ARHGAP42: variants seen among roughly 807,000 people sequenced by gnomAD.
The protein encoded by ARHGAP42 is rho GTPase-activating protein 42.
Under a neutral mutation model 125.0 loss-of-function variants are expected in ARHGAP42, and 63 were observed. That is an observed-to-expected ratio of 0.50 (90% CI 0.41 to 0.62). The LOEUF (loss-of-function observed/expected upper bound fraction) is 0.62, where lower values mean the gene tolerates loss of function less well. Among genes scored for constraint, ARHGAP42 ranks in the 20% least tolerant of loss-of-function variants. ARHGAP42 has a pLI of 0.00. For missense variants in ARHGAP42, 766 were observed against 1,024.2 expected (o/e 0.75, Z 3.44); for synonymous variants, 339 against 351.0 (o/e 0.97, Z 0.38).
At chr11:100,799,278 T>TA (rs761477959) in intron 3 of ARHGAP42, among the ~76,000 whole-genome samples, 7 of 152,214 alleles carry the variant, frequency 4.6e-5, no homozygotes, top group Admixed American at 1.3e-4. Context: ...AACATTAGCC[T>TA]ACATGGGTCT....
At chr11:100,983,195 A>G (rs2135331223) in intron 22 of ARHGAP42, among the ~76,000 whole-genome samples, 1 of 152,284 alleles carries the variant, frequency 6.6e-6, no homozygotes, top group African/African-American at 2.4e-5. Context: ...ATATTTATTG[A>G]TATTTACTGT....
At position 100,698,132 on chromosome 11, in the gene ARHGAP42, C is replaced by T. The variant is rs140620143; in HGVS notation, c.154+10300C>T. 7.4e-3 allele frequency among the ~76,000 whole-genome samples: 1,122 copies of T among 152,258 alleles called. 11 individuals are homozygous for T. Among genetic ancestry groups the T allele is most frequent in the African/African-American group, 0.025 (1,051 of 41,538 alleles). ...TCTCCAACTTCTAGCCTCAAGCCAT[C>T]CTCCCACCTCAGCCTCCCAAAGTGT... On this transcript the variant is annotated intron_variant, in intron 1 of 23. Transcript: ENST00000298815.
At chr11:100,838,746 T>C (rs1000246452) in intron 3 of ARHGAP42, among the ~76,000 whole-genome samples, 5 of 152,028 alleles carry the variant, frequency 3.3e-5, no homozygotes, top group African/African-American at 1.2e-4. Flanking sequence ...TCATAGTGTT[T>C]AAAAAAATCT....
intron 23 of ARHGAP42, among the ~76,000 whole-genome samples, chr11:100,987,806 A>AGAAT (rs1555038428): frequency 7.0e-6 from 1 of 142,472 alleles, no homozygotes; most frequent in Non-Finnish European, 1.5e-5. Flanking sequence ...CCCAACCCAC[A>AGAAT]AAATAAATAA....
intron 4 of ARHGAP42, among the ~76,000 whole-genome samples, chr11:100,868,569 A>C (rs550085866): frequency 1.1e-4 from 16 of 152,330 alleles, no homozygotes; most frequent in African/African-American, 3.8e-4. Flanking sequence ...GATTTTAAAC[A>C]GAAATGAGAT....
At chr11:100,786,142 A>C (rs1863426928) in intron 2 of ARHGAP42, among the ~76,000 whole-genome samples, 1 of 152,232 alleles carries the variant, frequency 6.6e-6, no homozygotes, top group Non-Finnish European at 1.5e-5. Context: ...AAATTTGGGA[A>C]AATGGTTTCT....
intron 4 of ARHGAP42, among the ~76,000 whole-genome samples, chr11:100,912,550 A>C (rs1174500799): frequency 1.3e-5 from 2 of 152,140 alleles, no homozygotes; most frequent in Non-Finnish European, 2.9e-5. Flanking sequence ...TGGCCAATGA[A>C]ATTTATGATT....
intron 5 of ARHGAP42, among the ~76,000 whole-genome samples, chr11:100,919,754 A>G (rs931331293): frequency 6.6e-6 from 1 of 152,142 alleles, no homozygotes; most frequent in African/African-American, 2.4e-5. Flanking sequence ...GTGGAATAGA[A>G]TAGTGTCCCT....
At chr11:100,828,786 C>T (rs533123759) in intron 3 of ARHGAP42, among the ~76,000 whole-genome samples, 16 of 151,496 alleles carry the variant, frequency 1.1e-4, no homozygotes, top group Non-Finnish European at 2.2e-4. Context: ...CACCTGTGCT[C>T]AAGTGATCCT....
chr11:100,869,528 A>G (rs1440643165), intron 4 of ARHGAP42, among the ~76,000 whole-genome samples: 2 of 152,040 alleles, frequency 1.3e-5, no homozygotes, highest in Admixed American at 6.6e-5. Flanking sequence ...TTTCCTAGAA[A>G]CTGTTAGTCA....
intron 17 of ARHGAP42, among the ~76,000 whole-genome samples, chr11:100,967,127 AAC>A (rs1268975935): frequency 6.6e-6 from 1 of 152,192 alleles, no homozygotes; most frequent in Non-Finnish European, 1.5e-5. Flanking sequence ...AACAGCTAAT[AAC>A]ACTCTTGATC....
chr11:100,914,706 G>C (rs888054340), intron 5 of ARHGAP42, among the ~76,000 whole-genome samples: 5 of 152,068 alleles, frequency 3.3e-5, no homozygotes, highest in African/African-American at 1.2e-4. Flanking sequence ...TTCACTTATA[G>C]TTGTTGTAGT....
Position 100,964,774 on chromosome 11 carries a change from A to G in ARHGAP42, c.1445-897A>G, listed in dbSNP as rs544590165. On this transcript the variant is annotated intron_variant, in intron 16 of 23. Coordinates refer to ENST00000298815, the MANE Select transcript of ARHGAP42 (RefSeq NM_152432.4). ...TTACCGTTGTCATTATGGGCTAAAA[A>G]TCTGTTGGGCTTGTGTTTATGTAAT... Among the ~76,000 whole-genome samples, 12 of 152,250 alleles carry G rather than the reference A, an allele frequency of 7.9e-5. No individual in the cohort carries two copies. The South Asian group carries it at 8.3e-4, about 11-fold the overall frequency.
chr11:100,807,966 A>G (rs1864038468), intron 3 of ARHGAP42, among the ~76,000 whole-genome samples: 1 of 152,230 alleles, frequency 6.6e-6, no homozygotes, highest in South Asian at 2.1e-4. Flanking sequence ...TGGGAAGCAC[A>G]AAGATACTTT....
chr11:100,748,508 A>C (rs1862359954), intron 1 of ARHGAP42, among the ~76,000 whole-genome samples: 1 of 152,212 alleles, frequency 6.6e-6, no homozygotes, highest in Admixed American at 6.5e-5. Flanking sequence ...ATCTTTTTCT[A>C]ACAGAATAGC....
chr11:100,754,774 C>G lies in ARHGAP42; in HGVS notation c.155-15569C>G, dbSNP rs144794079. Among the ~76,000 whole-genome samples the G allele has an allele frequency of 2.2e-4, 33 of 152,274 alleles. 1 individual carries two copies. The East Asian group carries it at 6.4e-3, about 29-fold the overall frequency. On this transcript the variant is annotated intron_variant, in intron 1 of 23. Coordinates refer to ENST00000298815, the MANE Select transcript of ARHGAP42 (RefSeq NM_152432.4). Reference sequence around the variant, plus strand: ...ACCCCTCTTGCCCAATAAGAGTAATCACTACGTAGCTTTATTCTGTTAATG... The same window carrying G: ...ACCCCTCTTGCCCAATAAGAGTAATGACTACGTAGCTTTATTCTGTTAATG...
intron 3 of ARHGAP42, among the ~76,000 whole-genome samples, chr11:100,844,337 A>T (rs1256629640): frequency 6.6e-6 from 1 of 152,102 alleles, no homozygotes; most frequent in Non-Finnish European, 1.5e-5. Flanking sequence ...ACCTGAATCT[A>T]TAATAAAAAT....
chr11:100,965,540 C>T, intron 16 of ARHGAP42, 131 bp from the exon 17 acceptor site: 1 of 760,486 alleles, frequency 1.3e-6, no homozygotes, highest in South Asian at 1.6e-5. Context: ...ATGATAATGA[C>T]AGTACTACAT....
chr11:100,936,566 T>C (rs758089623), intron 8 of ARHGAP42, among the ~76,000 whole-genome samples: 1 of 152,214 alleles, frequency 6.6e-6, no homozygotes, highest in Non-Finnish European at 1.5e-5. Context: ...TACCATAACA[T>C]GCGTTCAGTT....
Sources: allele counts gnomAD v4.1 joint callset (sites outside exome capture counted in the v4.1 genomes callset), GRCh38; gene constraint gnomAD v4.1.1; transcripts MANE v1.5; gene names NCBI Gene and HGNC (gene_info 2026-07-23, HGNC 2026-07-21).